MAP3K1: variants seen among roughly 807,000 people sequenced by gnomAD.
The protein encoded by MAP3K1 is MAP/ERK kinase kinase 1.
In MAP3K1, 36 loss-of-function variants were observed where a neutral mutation model predicts 144.2. The observed-to-expected ratio is 0.25, with a 90% CI of 0.19 to 0.33. MAP3K1 has a LOEUF of 0.33. Ranked by LOEUF, MAP3K1 falls within the 10% of genes least tolerant of loss-of-function variation. The probability of loss-of-function intolerance (pLI) is 1.00; values close to 1 mark genes in which losing one functional copy is unlikely to be tolerated. For missense variants in MAP3K1, 1,650 were observed against 1,881.9 expected (o/e 0.88, Z 2.28); for synonymous variants, 718 against 688.7 (o/e 1.04, Z -0.67).
Position 56,882,344 on chromosome 5 carries a change from G to A in MAP3K1, c.3144G>A (p.Gln1048=), listed in dbSNP as rs1249295320. The part of the protein sequence containing the change: ...DSDKLSPVFT[Q]SRPLPSSNIH... ...ATAAACTTTCCCCAGTCTTTACTCA[G>A]TCAAGACCCTTGCCCTCCAGTAACA... The change falls in exon 14 of 20, where the codon CAG becomes CAA. Residue 1048 remains glutamine (Q), a synonymous_variant. Transcript: ENST00000399503. The A allele has an allele frequency of 3.7e-6, 6 of 1,614,166 alleles. No homozygotes were observed. Among genetic ancestry groups the A allele is most frequent in the African/African-American group, 1.3e-5 (1 of 75,040 alleles).
rs567380015 is a variant in MAP3K1, at chr5:56,895,948, T to G, written c.*2268T>G. 27 of 217,636 alleles carry G rather than the reference T, an allele frequency of 1.2e-4. No individual in the cohort carries two copies. The highest frequency in any genetic ancestry group is 4.4e-4 in the Admixed American group (7 of 16,004). 13.5% of individuals were successfully genotyped at this position (217,636 alleles called of 1,614,324 possible). On this transcript the variant is annotated 3_prime_UTR_variant, in exon 20 of 20. Transcript: ENST00000399503. ...CCAGGGCTTAAGGGCTAACTTCTAT[T>G]AGCACCTTACTGTGTAAGCAAATGT...
intron 2 of MAP3K1, among the ~76,000 whole-genome samples, chr5:56,859,332 A>G (rs1193546788): frequency 1.3e-5 from 2 of 152,200 alleles, no homozygotes; most frequent in Admixed American, 1.3e-4. Flanking sequence ...TAGTAGTTGA[A>G]TAAGTTGACT....
Position 56,875,296 on chromosome 5 carries a change from T to C in MAP3K1, c.1951T>C (p.Tyr651His). The C allele has an allele frequency of 6.2e-7, 1 of 1,614,110 alleles. No individual in the cohort carries two copies. Among genetic ancestry groups the C allele is most frequent in the East Asian group, 2.2e-5 (1 of 44,878 alleles). Residue 651 changes from tyrosine to histidine, a missense_variant, in exon 10 of 20, where the codon TAC (tyrosine) becomes CAC (histidine). Physicochemically the swap from Tyr to His is moderately conservative, Grantham distance 83 (BLOSUM62 2). Transcript: ENST00000399503. The part of the protein sequence containing the change: ...MVCADPVYKV[Y>H]VAALKTLRAM... ...CTGTGCTGACCCTGTCTACAAAGTG[T>C]ACGTTGCTGCTTTAGTAAGTAGCTT...
At position 56,881,173 on chromosome 5, in the gene MAP3K1, G is replaced by A. The variant is rs553060905; in HGVS notation, c.2270G>A (p.Arg757His). The A allele has an allele frequency of 9.3e-6, 15 of 1,613,436 alleles. No individual in the cohort carries two copies. Among genetic ancestry groups the A allele is most frequent in the East Asian group, 4.5e-5 (2 of 44,836 alleles). ...AACAATTGGCAAGAACTTCTTGGCCGCCTTTGTCTTATAGATAGACTGTTG... is the reference window on the plus strand; with the variant it reads ...AACAATTGGCAAGAACTTCTTGGCCACCTTTGTCTTATAGATAGACTGTTG... The part of the protein sequence containing the change: ...ESNNWQELLG[R>H]LCLIDRLLLE... Residue 757 changes from arginine to histidine, a missense_variant, in exon 13 of 20, where the codon CGC (arginine) becomes CAC (histidine). Around this residue, in one of 6 missense-constraint regions of MAP3K1, gnomAD observed 841 missense variants for 886.5 expected, o/e 0.95. Transcript: ENST00000399503.
intron 1 of MAP3K1, among the ~76,000 whole-genome samples, chr5:56,827,712 A>G (rs1019786379): frequency 3.9e-5 from 6 of 152,052 alleles, no homozygotes; most frequent in African/African-American, 1.4e-4. Flanking sequence ...AAAAATACAA[A>G]AATTAGCCGG....
At chr5:56,826,395 G>A (rs144411343) in intron 1 of MAP3K1, among the ~76,000 whole-genome samples, 2 of 152,222 alleles carry the variant, frequency 1.3e-5, no homozygotes, top group African/African-American at 4.8e-5. Flanking sequence ...CTTTCTGAAC[G>A]ACAGTGTTCA....
chr5:56,875,174 G>C lies in MAP3K1; in HGVS notation c.1829G>C (p.Ser610Thr). Reference protein sequence around the residue: ...GESTGNSGGSSGSSPSGGATS... With the variant: ...GESTGNSGGSTGSSPSGGATS... ...AGCACTGGAAATTCTGGGGGCAGCA[G>C]TGGAAGCAGCCCGAGTGGGGGAGCC... Residue 610 changes from serine to threonine, a missense_variant, in exon 10 of 20, where the codon AGT becomes ACT. By Grantham distance (58) the Ser-to-Thr change is moderately conservative. Coordinates refer to ENST00000399503, the MANE Select transcript of MAP3K1 (RefSeq NM_005921.2). The C allele has an allele frequency of 6.2e-7, 1 of 1,614,244 alleles. No homozygotes were observed. Among genetic ancestry groups the C allele is most frequent in the Non-Finnish European group, 8.5e-7 (1 of 1,180,046 alleles).
intron 15 of MAP3K1, among the ~76,000 whole-genome samples, chr5:56,884,438 T>C (rs1212410060): frequency 2.6e-5 from 4 of 152,228 alleles, no homozygotes; most frequent in African/African-American, 9.6e-5. Flanking sequence ...ACTATTGGAA[T>C]ATTGACTATA....
intron 1 of MAP3K1, among the ~76,000 whole-genome samples, chr5:56,855,304 A>C (rs996119993): frequency 2.6e-5 from 4 of 152,048 alleles, no homozygotes; most frequent in Non-Finnish European, 5.9e-5. Flanking sequence ...TCCTTTTTTC[A>C]TACTTTTTGA....
chr5:56,856,154 G>A (rs190751847), intron 1 of MAP3K1, among the ~76,000 whole-genome samples: 1 of 152,290 alleles, frequency 6.6e-6, no homozygotes, highest in East Asian at 1.9e-4. Flanking sequence ...GGTCATAGAT[G>A]ATGTAGTTAA....
rs1234634677 is a variant in MAP3K1 at position 56,833,070 on chromosome 5, C to T, written c.482+17015C>T. Among the ~76,000 whole-genome samples, 5 of 152,192 alleles carry T rather than the reference C, an allele frequency of 3.3e-5. No individual in the cohort carries two copies. In the East Asian group the frequency reaches 9.7e-4, roughly 29 times the overall value. On this transcript the variant is annotated intron_variant, in intron 1 of 19. Transcript: ENST00000399503. ...TGTTTTTAGTAGAGATGGGGTTTCA[C>T]CATGTTGGCTAGGATGGTCTTGATC... is the stretch of plus-strand genomic sequence containing the variant.
At chr5:56,823,306 A>G (rs1363888112) in intron 1 of MAP3K1, among the ~76,000 whole-genome samples, 1 of 152,022 alleles carries the variant, frequency 6.6e-6, no homozygotes, top group South Asian at 2.1e-4. Flanking sequence ...GCCTTCTTCT[A>G]TAGGGCCCTC....
chr5:56,826,946 C>T (rs946166241), intron 1 of MAP3K1, among the ~76,000 whole-genome samples: 4 of 152,194 alleles, frequency 2.6e-5, no homozygotes, highest in Non-Finnish European at 4.4e-5. Flanking sequence ...TGCAGGCCCC[C>T]GTCCACTGTG....
At chr5:56,886,636 C>T (rs1410605887) in intron 17 of MAP3K1, among the ~76,000 whole-genome samples, 2 of 152,302 alleles carry the variant, frequency 1.3e-5, no homozygotes, top group East Asian at 3.9e-4. Context: ...CTGTCTTGGC[C>T]TCATGATACG....
At position 56,875,228 on chromosome 5, in the gene MAP3K1, C is replaced by T. The variant is rs1344425647; in HGVS notation, c.1883C>T (p.Ser628Leu). Residue 628 changes from serine to leucine, a missense_variant, in exon 10 of 20, where the codon TCA becomes TTA. Coordinates refer to ENST00000399503, the MANE Select transcript of MAP3K1 (RefSeq NM_005921.2). ...AGTGGGTCTTCCCAGACCAGTATCT[C>T]AGGAGATGTGGTGGAGGCATGCTGC... ...ATSGSSQTSI[S>L]GDVVEACCSV... 1.2e-6 allele frequency: 2 copies of T among 1,613,976 alleles called. No homozygotes were observed. Among genetic ancestry groups the T allele is most frequent in the Admixed American group, 3.3e-5 (2 of 59,986 alleles).
rs926590721 is a variant in MAP3K1 at position 56,847,961 on chromosome 5, T to C, written c.483-8639T>C. 5.9e-5 allele frequency among the ~76,000 whole-genome samples: 9 copies of C among 152,348 alleles called. No homozygotes were observed. In the East Asian group the frequency reaches 1.7e-3, roughly 29 times the overall value. On this transcript the variant is annotated intron_variant, in intron 1 of 19. Coordinates refer to ENST00000399503, the MANE Select transcript of MAP3K1 (RefSeq NM_005921.2). ...TAGAGGATCAGTTGCTTTAAATATA[T>C]TCATACATTTTGAGCATGTAAGAAC...
chr5:56,865,421 C>T lies in MAP3K1; in HGVS notation c.1117C>T (p.Pro373Ser). 1 of 1,600,592 alleles carries T rather than the reference C, an allele frequency of 6.2e-7. No individual in the cohort carries two copies. The highest frequency in any genetic ancestry group is 8.6e-7 in the Non-Finnish European group (1 of 1,169,428). The change falls in exon 5 of 20, where the codon CCA (proline) becomes TCA (serine). Residue 373 changes from proline to serine, a missense_variant. By Grantham distance (74) the Pro-to-Ser change is moderately conservative. This residue lies in a region of MAP3K1 where 125 missense variants were observed against 179.9 expected (regional missense o/e 0.69). Coordinates refer to ENST00000399503, the MANE Select transcript of MAP3K1 (RefSeq NM_005921.2). ...GGTGTTTCAACTAGAACCTTCAGAC[C>T]CAATGTTATGGAGAAAAACTTTAAA... Reference protein sequence around the residue: ...LRVFQLEPSDPMLWRKTLKNF... With the variant: ...LRVFQLEPSDSMLWRKTLKNF...
At chr5:56,863,515 G>GAT (rs1164480670) in intron 3 of MAP3K1, among the ~76,000 whole-genome samples, 1 of 152,136 alleles carries the variant, frequency 6.6e-6, no homozygotes, top group Non-Finnish European at 1.5e-5. Context: ...ATATTGTATG[G>GAT]ATATACCACA....
At chr5:56,868,558 G>A (rs931630406) in intron 6 of MAP3K1, among the ~76,000 whole-genome samples, 34 of 152,052 alleles carry the variant, frequency 2.2e-4, no homozygotes, top group Middle Eastern at 3.4e-3. Context: ...CTAATTTTTT[G>A]TATTTTTAGT....
Sources: gnomAD v4.1 joint callset for allele counts (sites outside exome capture counted in the v4.1 genomes callset) on GRCh38, gnomAD v4.1.1 for gene constraint, gnomAD v4.1.1 regional missense constraint, MANE v1.5 for transcripts, NCBI Gene and HGNC (gene_info 2026-07-23, HGNC 2026-07-21) for gene names.